SLC3A1: variants seen among roughly 807,000 people sequenced by gnomAD.
The protein encoded by SLC3A1 is amino acid transporter heavy chain SLC3A1.
SLC3A1 carries 78 observed loss-of-function variants against 60.3 expected under a neutral mutation model. The observed-to-expected ratio is 1.29, with a 90% confidence interval of 1.08 to 1.56. The LOEUF is 1.56. Among genes scored for constraint, SLC3A1 ranks in the 40% most tolerant of loss-of-function variants. The probability of loss-of-function intolerance (pLI) is 0.00; values close to 1 mark genes in which losing one functional copy is unlikely to be tolerated. For synonymous variants in SLC3A1, 392 were observed against 307.9 expected, an observed-to-expected ratio of 1.27 and a Z score of -2.86; for missense variants, 1,172 against 858.9, an observed-to-expected ratio of 1.36 and a Z score of -4.56.
intron 4 of SLC3A1, among the ~76,000 whole-genome samples, chr2:44,292,106 C>T (rs1355785485): frequency 2.0e-5 from 3 of 152,098 alleles, no homozygotes; most frequent in East Asian, 3.9e-4. Context: ...AGTAACCCAG[C>T]GGGTTAGCAG....
rs2289462 is a variant in SLC3A1 at position 44,319,992 on chromosome 2, A to G, written c.1618-207A>G. ...GCACTGTGCGTACTTATTGACTCCC[A>G]GACAAGCCGAAACCCCGAATTTGTC... On this transcript the variant is annotated intron_variant, in intron 9 of 9. Coordinates refer to ENST00000260649, the MANE Select transcript of SLC3A1 (RefSeq NM_000341.4). 369,547 of 566,202 alleles carry G rather than the reference A, an allele frequency of 0.65. 122,783 individuals carry two copies. Among genetic ancestry groups the G allele is most frequent in the Middle Eastern group, 0.7 (1,446 of 2,076 alleles). 35.1% of individuals were successfully genotyped at this position (566,202 alleles called of 1,614,324 possible). A position where few individuals can be genotyped will look rare whatever the true frequency, so the allele number is the denominator to read the frequency against.
intron 7 of SLC3A1, 85 bp downstream of exon 7, chr2:44,304,423 C>G: frequency 5.9e-6 from 6 of 1,018,884 alleles, no homozygotes; most frequent in Non-Finnish European, 9.2e-6. Context: ...GGACCTTTGT[C>G]TCTAAGTGAC....
chr2:44,314,250 G>C (rs1475410186), intron 9 of SLC3A1: 2 of 630,304 alleles, frequency 3.2e-6, no homozygotes, highest in African/African-American at 1.8e-5. Flanking sequence ...TTTTTAGCTA[G>C]CCCAGCTGCC....
chr2:44,317,587 C>G (rs1672529404), intron 9 of SLC3A1: 1 of 152,170 alleles, frequency 6.6e-6, no homozygotes, highest in East Asian at 1.9e-4. Flanking sequence ...CAGCATTGTT[C>G]TAGACATTGA....
intron 3 of SLC3A1, 39 bp downstream of exon 3, chr2:44,281,580 G>A (rs779545877): frequency 1.3e-6 from 2 of 1,597,138 alleles, no homozygotes; most frequent in Non-Finnish European, 1.7e-6. Context: ...GGGGTAAAAG[G>A]CAGATATGTA....
Position 44,304,332 on chromosome 2 carries a change from C to G in SLC3A1, c.1326C>G (p.Asn442Lys), listed in dbSNP as rs368554884. Reference sequence around the variant, plus strand: ...ACATGCCAGAAGGAAAATGGCCTAACTGGATGGTAAGTCCTCATGACAGCA... The same window carrying G: ...ACATGCCAGAAGGAAAATGGCCTAAGTGGATGGTAAGTCCTCATGACAGCA... ...MENMPEGKWPNWMIGGPDSSR... is the reference protein window; with the variant it reads ...MENMPEGKWPKWMIGGPDSSR... The change falls in exon 7 of 10, where the codon AAC becomes AAG. Residue 442 changes from asparagine (N) to lysine (K), a missense_variant. Transcript: ENST00000260649. 6.2e-7 allele frequency: 1 copy of G among 1,613,234 alleles called. No homozygotes were observed.
Position 44,320,811 on chromosome 2 carries a change from T to C in SLC3A1, c.*172T>C. 2 of 647,488 alleles carry C rather than the reference T, an allele frequency of 3.1e-6. No individual in the cohort carries two copies. The highest frequency in any genetic ancestry group is 1.9e-5 in the South Asian group (1 of 53,696). 40.1% of individuals were successfully genotyped at this position (647,488 alleles called of 1,614,324 possible). On this transcript the variant is annotated 3_prime_UTR_variant, in exon 10 of 10. Coordinates refer to ENST00000260649, the MANE Select transcript of SLC3A1 (RefSeq NM_000341.4). ...CTCAAATGTTTTGAAAAAAATAAAA[T>C]GTTTAAAAGTAAATTATGGCTTATA...
downstream of SLC3A1, chr2:44,321,985 G>T: frequency 7.4e-7 from 1 of 1,352,218 alleles, no homozygotes; most frequent in South Asian, 1.4e-5. Flanking sequence ...CCTCTTCTTT[G>T]AGTACTCAGT....
chr2:44,290,757 T>A (rs1671724713), intron 4 of SLC3A1, among the ~76,000 whole-genome samples: 1 of 151,620 alleles, frequency 6.6e-6, no homozygotes, highest in Non-Finnish European at 1.5e-5. Flanking sequence ...GTTCTGGAAG[T>A]AAGCACCATG....
chr2:44,295,443 G>A (rs534283292), intron 4 of SLC3A1, among the ~76,000 whole-genome samples: 3 of 152,116 alleles, frequency 2.0e-5, no homozygotes, highest in African/African-American at 7.2e-5. Context: ...GGAGTAAAGA[G>A]GGTTAACAAT....
chr2:44,302,744 A>G (rs1672046746), intron 6 of SLC3A1, among the ~76,000 whole-genome samples: 2 of 152,230 alleles, frequency 1.3e-5, no homozygotes, highest in African/African-American at 2.4e-5. Flanking sequence ...GTTCTTTTGA[A>G]GAAAATACCC....
At chr2:44,286,276 C>T in intron 4 of SLC3A1, 119 bp downstream of exon 4, 1 of 952,752 alleles carries the variant, frequency 1.0e-6, no homozygotes. Flanking sequence ...ATTTGAAATA[C>T]TCTATAGTTA....
intron 4 of SLC3A1, among the ~76,000 whole-genome samples, chr2:44,286,624 C>G (rs1425688840): frequency 7.4e-6 from 1 of 134,802 alleles, no homozygotes; most frequent in Non-Finnish European, 1.6e-5. Context: ...TGTGCGGTGT[C>G]TGTGACTGAG....
rs756320563 is a variant in SLC3A1, at chr2:44,275,568, C to G, written c.33C>G (p.Ile11Met). 2.5e-6 allele frequency: 4 copies of G among 1,614,144 alleles called. No homozygotes were observed. The highest frequency in any genetic ancestry group is 3.4e-6 in the Non-Finnish European group (4 of 1,180,020). The change falls in exon 1 of 10, where the codon ATC becomes ATG. Residue 11 changes from isoleucine (I) to methionine (M), a missense_variant. Transcript: ENST00000260649. ...AAGATAAAAGCAAGAGAGACTCCAT[C>G]GAGATGAGTATGAAGGGATGCCAGA... MAEDKSKRDS[I>M]EMSMKGCQTN...
chr2:44,275,733 G>A lies in SLC3A1; in HGVS notation c.198G>A (p.Ala66=), dbSNP rs201799081. ...ACTTCAAGGGCGTCCAGCCCTATGC[G>A]GGGATGCCCAAGGAGGTGCTGTTCC... ...EPDFKGVQPY[A]GMPKEVLFQF... is the part of the protein sequence containing the mutation. Residue 66 remains alanine, a synonymous_variant, in exon 1 of 10, where the codon GCG becomes GCA. Coordinates refer to ENST00000260649, the MANE Select transcript of SLC3A1 (RefSeq NM_000341.4). The A allele has an allele frequency of 5.0e-5, 81 of 1,614,220 alleles. No individual in the cohort carries two copies. The highest frequency in any genetic ancestry group is 3.3e-4 in the Middle Eastern group (2 of 6,062).
In SLC3A1 at chr2:44,304,351, G is replaced by T; in HGVS notation, c.1332+13G>T. On this transcript the variant is annotated intron_variant, in intron 7 of 9. Coordinates refer to ENST00000260649, the MANE Select transcript of SLC3A1 (RefSeq NM_000341.4). ...GCCTAACTGGATGGTAAGTCCTCAT[G>T]ACAGCAGAGTACATAATGTGCTGCT... 1 of 1,595,706 alleles carries T rather than the reference G, an allele frequency of 6.3e-7. No homozygotes were observed. The highest frequency in any genetic ancestry group is 1.1e-5 in the South Asian group (1 of 90,648).
At chr2:44,281,349 A>G (rs552880615) in intron 2 of SLC3A1, 38 bp from the exon 3 acceptor site, 4 of 1,571,246 alleles carry the variant, frequency 2.5e-6, no homozygotes, top group Non-Finnish European at 3.5e-6. Flanking sequence ...TTCTAATACA[A>G]TCTTTCCCTA....
chr2:44,321,231 A>C lies in SLC3A1; in HGVS notation c.*592A>C. ...AGACTAAGCAAAATTTAGATGGAGA[A>C]GCACATTTTAAAAAATTAATAACTT... is the stretch of plus-strand genomic sequence containing the variant. On this transcript the variant is annotated 3_prime_UTR_variant, in exon 10 of 10. Transcript: ENST00000260649. 1 of 837,156 alleles carries C rather than the reference A, an allele frequency of 1.2e-6. No homozygotes were observed. Among genetic ancestry groups the C allele is most frequent in the Non-Finnish European group, 1.9e-6 (1 of 538,196 alleles). 51.9% of individuals were successfully genotyped at this position (837,156 alleles called of 1,614,324 possible).
intron 9 of SLC3A1, chr2:44,319,474 A>G (rs965960991): frequency 2.0e-5 from 3 of 152,192 alleles, no homozygotes; most frequent in Admixed American, 2.0e-4. Context: ...ACCGTTCAAC[A>G]GAATATTGTC....
Sources: gnomAD v4.1 joint callset for allele counts (sites outside exome capture counted in the v4.1 genomes callset) on GRCh38, gnomAD v4.1.1 for gene constraint, MANE v1.5 for transcripts, NCBI Gene and HGNC (gene_info 2026-07-23, HGNC 2026-07-21) for gene names.